The following IQCB1 variants were observed in gnomAD, a reference collection of about 807,000 sequenced individuals.
IQCB1 encodes the protein IQ motif containing B1.
A neutral mutation model predicts 84.4 loss-of-function variants in IQCB1; 56 were observed. The ratio of observed to expected loss-of-function variants is 0.66; its 90% CI spans 0.54 to 0.83. The LOEUF is 0.83. IQCB1 is among the 40% of genes least tolerant of loss of function. IQCB1 has a pLI of 0.00. For synonymous variants in IQCB1, 210 were observed against 234.8 expected, an observed-to-expected ratio of 0.89 and a Z score of 0.96; for missense variants, 629 against 682.1, an observed-to-expected ratio of 0.92 and a Z score of 0.87.
chr3:121,826,360 A>T (rs1400974495), intron 4 of IQCB1, among the ~76,000 whole-genome samples, 180 bp from the exon 5 acceptor site: 1 of 152,242 alleles, frequency 6.6e-6, no homozygotes, highest in Non-Finnish European at 1.5e-5. Context: ...GGTATGGACC[A>T]TGCTTGTACT....
intron 12 of IQCB1, among the ~76,000 whole-genome samples, chr3:121,783,230 C>A (rs1948578042): frequency 6.6e-6 from 1 of 152,246 alleles, no homozygotes; most frequent in East Asian, 1.9e-4. Flanking sequence ...CTTACCCTGT[C>A]CCCTGATTCA....
At position 121,826,156 on chromosome 3, in the gene IQCB1, T is replaced by C. The variant is rs376703708; in HGVS notation, c.288A>G (p.Pro96=). The change falls in exon 5 of 15, where the codon CCA becomes CCG. Residue 96 remains proline (P), a synonymous_variant. Transcript: ENST00000310864. ...TGTAAAATTCCTCTGCATCTTCTCC[T>C]GGCTCCAAGCCCACACAGCAATGGC... The part of the protein sequence containing the change: ...ILSHCCVGLE[P]GEDAEEFYNE... 5.0e-6 allele frequency: 8 copies of C among 1,613,748 alleles called. No individual in the cohort carries two copies. In the African/African-American group the frequency reaches 1.1e-4, roughly 22 times the overall value.
chr3:121,791,676 T>A (rs1374658533), intron 10 of IQCB1, among the ~76,000 whole-genome samples: 1 of 152,216 alleles, frequency 6.6e-6, no homozygotes, highest in Non-Finnish European at 1.5e-5. Context: ...CAGAACTCCA[T>A]CACCTCAAAA....
chr3:121,781,551 T>G (rs1003576569), intron 13 of IQCB1, among the ~76,000 whole-genome samples, 192 bp downstream of exon 13: 7 of 152,098 alleles, frequency 4.6e-5, no homozygotes, highest in Non-Finnish European at 7.4e-5. Flanking sequence ...TGACTATACC[T>G]CTATGGCTAT....
chr3:121,775,291 G>T (rs1948178555), intron 13 of IQCB1, among the ~76,000 whole-genome samples: 1 of 151,700 alleles, frequency 6.6e-6, no homozygotes, highest in African/African-American at 2.4e-5. Flanking sequence ...ATACTATGCA[G>T]CCATAAAAAA....
At chr3:121,797,283 G>A in intron 8 of IQCB1, 56 bp from the exon 9 acceptor site, 10 of 791,472 alleles carry the variant, frequency 1.3e-5, no homozygotes, top group African/African-American at 3.5e-5. Flanking sequence ...ATATGATTTT[G>A]TTATCTAATC....
chr3:121,828,998 A>G (rs1950544805), intron 2 of IQCB1, 26 bp from the exon 3 acceptor site: 1 of 1,228,180 alleles, frequency 8.1e-7, no homozygotes, highest in South Asian at 1.2e-5. Flanking sequence ...ATCAGAGAAT[A>G]AAGGTCAAAA....
intron 13 of IQCB1, 141 bp downstream of exon 13, chr3:121,781,602 C>A: frequency 1.2e-6 from 1 of 818,676 alleles, no homozygotes; most frequent in African/African-American, 1.7e-5. Context: ...ATGGTAAAGC[C>A]AATGCATTAC....
intron 13 of IQCB1, among the ~76,000 whole-genome samples, chr3:121,780,999 T>C (rs1253307813): frequency 6.6e-6 from 1 of 152,180 alleles, no homozygotes; most frequent in East Asian, 1.9e-4. Flanking sequence ...GGAATAATTC[T>C]GATAGATTGA....
intron 6 of IQCB1, among the ~76,000 whole-genome samples, chr3:121,807,764 A>G (rs886851333): frequency 1.1e-4 from 16 of 152,024 alleles, no homozygotes; most frequent in Admixed American, 5.9e-4. Context: ...TTCAGTGAAT[A>G]AAAACAAATT....
intron 10 of IQCB1, among the ~76,000 whole-genome samples, chr3:121,791,819 G>C (rs1948988077): frequency 1.3e-5 from 2 of 152,276 alleles, no homozygotes; most frequent in Admixed American, 1.3e-4. Flanking sequence ...GGCCGGGCGC[G>C]GTGGTTCACG....
chr3:121,791,865 TG>T (rs374947214), intron 10 of IQCB1, among the ~76,000 whole-genome samples: 221 of 152,102 alleles, frequency 1.5e-3, no homozygotes, highest in African/African-American at 5.1e-3. Flanking sequence ...CCAAGGTGGG[TG>T]GATCACCTGA....
chr3:121,820,984 TTTTC>T (rs1950254055), intron 5 of IQCB1, among the ~76,000 whole-genome samples: 1 of 151,718 alleles, frequency 6.6e-6, no homozygotes, highest in Non-Finnish European at 1.5e-5. Context: ...TTTTCCTTTT[TTTTC>T]TTTTTTTCTT....
chr3:121,786,057 G>C (rs1333449392), intron 12 of IQCB1, among the ~76,000 whole-genome samples: 2 of 150,072 alleles, frequency 1.3e-5, no homozygotes, highest in East Asian at 3.9e-4. Flanking sequence ...TGTAGTCCCA[G>C]CTACTGTGGA....
rs1948045275 is a variant in IQCB1 at position 121,772,610 on chromosome 3, T to C, written c.1514A>G (p.Gln505Arg). ...MGRALEERAQ[Q>R]HREALIAQIS... ...CTGTGCTATCAGAGCTTCTCTGTGC[T>C]GCTGGGCTCGCTCTTCTAGGGCCCT... Residue 505 changes from glutamine to arginine, a missense_variant, in exon 14 of 15, where the codon CAG (glutamine) becomes CGG (arginine). Gln to Arg is a conservative substitution (Grantham distance 43). Transcript: ENST00000310864. 1.2e-6 allele frequency: 2 copies of C among 1,614,266 alleles called. No individual in the cohort carries two copies. Among genetic ancestry groups the C allele is most frequent in the Middle Eastern group, 1.6e-4 (1 of 6,062 alleles).
At chr3:121,792,611 G>C (rs890480448) in intron 10 of IQCB1, among the ~76,000 whole-genome samples, 1 of 134,916 alleles carries the variant, frequency 7.4e-6, no homozygotes, top group Admixed American at 8.0e-5. Flanking sequence ...GCAGTGAGCC[G>C]AGATTGCGCC....
intron 8 of IQCB1, among the ~76,000 whole-genome samples, chr3:121,797,719 G>A (rs941316582): frequency 9.9e-5 from 15 of 151,918 alleles, no homozygotes; most frequent in Non-Finnish European, 1.9e-4. Context: ...TATATAATTT[G>A]GGGCAAATCA....
intron 5 of IQCB1, among the ~76,000 whole-genome samples, chr3:121,825,123 C>T (rs1220435750): frequency 6.7e-6 from 1 of 149,056 alleles, no homozygotes; most frequent in East Asian, 2.0e-4. Context: ...AGCAATGGCA[C>T]TATCTTGGCT....
intron 10 of IQCB1, among the ~76,000 whole-genome samples, chr3:121,792,661 CAAAAAAAAAAAAAA>C (rs56685889): frequency 1.3e-5 from 1 of 76,216 alleles, no homozygotes; most frequent in African/African-American, 5.1e-5. Context: ...GACTCCGTCT[CAAAAAAAAAAAAAA>C]AAAAAAAAGT....
Sources: gnomAD v4.1 joint callset for allele counts (sites outside exome capture counted in the v4.1 genomes callset) on GRCh38, gnomAD v4.1.1 for gene constraint, MANE v1.5 for transcripts, NCBI Gene and HGNC (gene_info 2026-07-23, HGNC 2026-07-21) for gene names.